TMEFF2: variants seen among roughly 807,000 people sequenced by gnomAD.
TMEFF2 encodes the protein transmembrane protein with EGF like and two follistatin like domains 2, also known as tomoregulin-2.
TMEFF2 carries 28 observed loss-of-function variants against 53.8 expected under a neutral mutation model. The ratio of observed to expected loss-of-function variants is 0.52; its 90% confidence interval spans 0.39 to 0.71. TMEFF2 has a LOEUF of 0.71. Ranked by LOEUF, TMEFF2 falls within the 30% of genes least tolerant of loss-of-function variation. The pLI, the probability that TMEFF2 is intolerant of heterozygous loss-of-function variation, is 0.00. For synonymous variants in TMEFF2, 162 were observed against 166.3 expected (o/e 0.97, Z 0.20); for missense variants, 353 against 455.2 (o/e 0.78, Z 2.04).
intron 4 of TMEFF2, among the ~76,000 whole-genome samples, chr2:192,127,634 GCTGA>G (rs756567009): frequency 1.3e-5 from 2 of 151,898 alleles, no homozygotes; most frequent in East Asian, 1.9e-4. Flanking sequence ...AAGAACATGA[GCTGA>G]CTATGTCTAA....
intron 5 of TMEFF2, among the ~76,000 whole-genome samples, chr2:192,039,843 G>A (rs1687429196): frequency 6.6e-6 from 1 of 152,042 alleles, no homozygotes. Flanking sequence ...CTCTGGCTGA[G>A]ATTATTGATA....
Position 192,050,740 on chromosome 2 carries a change from T to C in TMEFF2, c.536+6939A>G, listed in dbSNP as rs77222933. 5.8e-3 allele frequency among the ~76,000 whole-genome samples: 882 copies of C among 152,332 alleles called. 15 individuals are homozygous for C. Among genetic ancestry groups the C allele is most frequent in the African/African-American group, 0.02 (825 of 41,566 alleles). ...ATGTCAGAATTCCTAGTCTTTTACT[T>C]CTAAATTTTATTACATCGTGTGAAA... On this transcript the variant is annotated intron_variant, in intron 5 of 9. Coordinates refer to ENST00000272771, the MANE Select transcript of TMEFF2 (RefSeq NM_016192.4).
intron 4 of TMEFF2, among the ~76,000 whole-genome samples, chr2:192,154,441 A>G (rs562975177): frequency 6.6e-6 from 1 of 152,114 alleles, no homozygotes; most frequent in Admixed American, 6.6e-5. Flanking sequence ...TGACTTAGCC[A>G]TGACTGGCAT....
intron 3 of TMEFF2, among the ~76,000 whole-genome samples, chr2:192,181,417 G>A (rs1015453869): frequency 6.6e-5 from 10 of 151,602 alleles, no homozygotes; most frequent in Non-Finnish European, 1.5e-4. Flanking sequence ...AGGAAAATGT[G>A]TTGTTCATCA....
intron 5 of TMEFF2, among the ~76,000 whole-genome samples, chr2:192,025,645 CTCTG>C (rs1223474927): frequency 4.6e-5 from 7 of 151,320 alleles, no homozygotes; most frequent in East Asian, 1.9e-4. Context: ...TAATAAAAAA[CTCTG>C]TCTGGAAGCA....
intron 4 of TMEFF2, among the ~76,000 whole-genome samples, chr2:192,083,114 C>G (rs1020545584): frequency 6.6e-6 from 1 of 151,966 alleles, no homozygotes; most frequent in Non-Finnish European, 1.5e-5. Flanking sequence ...GTGACATTTA[C>G]AGGCCCTTAG....
intron 4 of TMEFF2, among the ~76,000 whole-genome samples, chr2:192,126,050 T>G (rs1441181647): frequency 6.6e-6 from 1 of 152,156 alleles, no homozygotes; most frequent in Non-Finnish European, 1.5e-5. Context: ...AAACAAAAGT[T>G]TGTTTTTTGA....
At chr2:192,167,340 T>C (rs1369428500) in intron 4 of TMEFF2, among the ~76,000 whole-genome samples, 3 of 152,134 alleles carry the variant, frequency 2.0e-5, no homozygotes, top group Admixed American at 2.0e-4. Context: ...TGAAAACATG[T>C]GTTGGGCGTA....
chr2:192,168,522 C>T (rs1202049568), intron 4 of TMEFF2, among the ~76,000 whole-genome samples: 1 of 152,072 alleles, frequency 6.6e-6, no homozygotes, highest in African/African-American at 2.4e-5. Context: ...ATCTTCAATT[C>T]TTTTCTTTCT....
intron 5 of TMEFF2, among the ~76,000 whole-genome samples, chr2:192,000,358 C>A (rs1686326606): frequency 6.6e-6 from 1 of 152,106 alleles, no homozygotes; most frequent in African/African-American, 2.4e-5. Flanking sequence ...TTAATCCTCA[C>A]AACAGCTGTT....
At chr2:191,973,161 T>A (rs886898853) in intron 7 of TMEFF2, among the ~76,000 whole-genome samples, 4 of 152,160 alleles carry the variant, frequency 2.6e-5, no homozygotes, top group Non-Finnish European at 5.9e-5. Flanking sequence ...AAGCAAAACT[T>A]TGCTTTCTTT....
chr2:192,056,330 AAAG>A (rs896239406), intron 5 of TMEFF2, among the ~76,000 whole-genome samples: 2 of 152,062 alleles, frequency 1.3e-5, no homozygotes, highest in African/African-American at 4.8e-5. Flanking sequence ...AGGAGAAGGA[AAAG>A]AAGAGGAGAA....
intron 4 of TMEFF2, among the ~76,000 whole-genome samples, chr2:192,077,950 TAAAC>T (rs1458216377): frequency 1.3e-5 from 2 of 152,094 alleles, no homozygotes. Flanking sequence ...TTCTAGAAAA[TAAAC>T]AGACTCTAGC....
In TMEFF2 at chr2:192,088,402, G is replaced by C. The variant is rs556804194; in HGVS notation, c.440-30627C>G. Among the ~76,000 whole-genome samples the C allele has an allele frequency of 1.1e-3, 161 of 152,164 alleles. 1 individual carries two copies. Among genetic ancestry groups the C allele is most frequent in the East Asian group, 7.7e-4 (4 of 5,164 alleles). ...GCGGTCGATGGATTTTTAGCTGATG[G>C]AGTGTCTGCATTTTTCCAAATCACC... On this transcript the variant is annotated intron_variant, in intron 4 of 9. Coordinates refer to ENST00000272771, the MANE Select transcript of TMEFF2 (RefSeq NM_016192.4).
At chr2:192,021,161 A>G (rs980581709) in intron 5 of TMEFF2, among the ~76,000 whole-genome samples, 5 of 152,082 alleles carry the variant, frequency 3.3e-5, no homozygotes, top group African/African-American at 1.2e-4. Flanking sequence ...TCACACCAAT[A>G]CTACTCTGGG....
At chr2:192,097,801 G>C (rs919712777) in intron 4 of TMEFF2, among the ~76,000 whole-genome samples, 1 of 152,058 alleles carries the variant, frequency 6.6e-6, no homozygotes, top group Non-Finnish European at 1.5e-5. Flanking sequence ...TTCAAAGCTC[G>C]TATTAGCCTA....
At chr2:192,038,415 G>A (rs941225104) in intron 5 of TMEFF2, among the ~76,000 whole-genome samples, 3 of 152,152 alleles carry the variant, frequency 2.0e-5, no homozygotes, top group African/African-American at 7.2e-5. Context: ...AGTGCACAAA[G>A]TAAGCACTAC....
intron 5 of TMEFF2, among the ~76,000 whole-genome samples, chr2:192,050,621 C>T (rs992270223): frequency 3.3e-5 from 5 of 151,736 alleles, no homozygotes; most frequent in Non-Finnish European, 5.9e-5. Flanking sequence ...GTTGGATTAC[C>T]GGCAGCTACT....
intron 7 of TMEFF2, among the ~76,000 whole-genome samples, chr2:191,984,843 C>T (rs377679069): frequency 1.3e-5 from 2 of 151,960 alleles, no homozygotes; most frequent in Non-Finnish European, 2.9e-5. Context: ...AACAGAACTA[C>T]GTGGAGCATA....
Sources: gnomAD v4.1 joint callset for allele counts (sites outside exome capture counted in the v4.1 genomes callset) on GRCh38, gnomAD v4.1.1 for gene constraint, MANE v1.5 for transcripts, NCBI Gene and HGNC (gene_info 2026-07-23, HGNC 2026-07-21) for gene names.